CNTNAP1: variants seen among roughly 807,000 people sequenced by gnomAD.
CNTNAP1 encodes contactin-associated protein 1.
CNTNAP1 carries 80 observed loss-of-function variants against 161.5 expected under a neutral mutation model. The observed-to-expected ratio is 0.50, with a 90% CI of 0.41 to 0.60. The LOEUF (loss-of-function observed/expected upper bound fraction) is 0.60. CNTNAP1 is among the 20% of genes least tolerant of loss of function. The pLI is 0.00. For synonymous variants in CNTNAP1, 695 were observed against 733.1 expected (o/e 0.95, Z 0.84); for missense variants, 1,464 against 1,854.8 (o/e 0.79, Z 3.87).
chr17:42,685,683 A>AAC lies in CNTNAP1; in HGVS notation c.716-262_716-261dup, dbSNP rs535596299. Reference sequence around the variant, plus strand: ...TCCGAGCCTCAGTTCCCTCCTTGTAAACACACACACACAGACGCACACACA... The same window carrying AAC: ...TCCGAGCCTCAGTTCCCTCCTTGTAAACACACACACACACAGACGCACACACA... On this transcript the variant is annotated intron_variant, in intron 5 of 23. Coordinates refer to ENST00000264638, the MANE Select transcript of CNTNAP1 (RefSeq NM_003632.3). The surrounding 1 kb of genome is among the most constrained non-coding windows in gnomAD (Gnocchi z 5.0). Among the ~76,000 whole-genome samples, 6 of 152,044 alleles carry AAC rather than the reference A, an allele frequency of 3.9e-5. No individual in the cohort carries two copies. Among genetic ancestry groups the AAC allele is most frequent in the African/African-American group, 1.2e-4 (5 of 41,426 alleles).
At chr17:42,688,704 G>A in intron 9 of CNTNAP1, 93 bp downstream of exon 9, 3 of 1,580,154 alleles carry the variant, frequency 1.9e-6, no homozygotes, top group Non-Finnish European at 2.6e-6. Flanking sequence ...GAATTTTGGA[G>A]GGATCAAGCC....
intron 1 of CNTNAP1, chr17:42,683,354 G>A (rs2052962374): frequency 1.8e-6 from 2 of 1,084,878 alleles, no homozygotes; most frequent in African/African-American, 3.4e-5. Context: ...CCTGACTGAT[G>A]CTAAGGCTGG....
At position 42,691,371 on chromosome 17, in the gene CNTNAP1, C is replaced by T. The variant is rs1385923823; in HGVS notation, c.2217-13C>T. On this transcript the variant is annotated splice_polypyrimidine_tract_variant and intron_variant, in intron 14 of 23. Coordinates refer to ENST00000264638, the MANE Select transcript of CNTNAP1 (RefSeq NM_003632.3). This position sits in a 1 kb window ranked among gnomAD's most constrained non-coding sequence, Gnocchi z 4.3. ...AGTGGCTGGGGCTGAGCCATGACATCCTGCCCCCACAGGAGAACTGACAAG... is the reference window on the plus strand; with the variant it reads ...AGTGGCTGGGGCTGAGCCATGACATTCTGCCCCCACAGGAGAACTGACAAG... 6.2e-7 allele frequency: 1 copy of T among 1,614,062 alleles called. No homozygotes were observed. Among genetic ancestry groups the T allele is most frequent in the Non-Finnish European group, 8.5e-7 (1 of 1,179,984 alleles).
chr17:42,698,444 AAT>A (rs2053178123), intron 23 of CNTNAP1, among the ~76,000 whole-genome samples, 172 bp from the exon 24 acceptor site: 1 of 135,016 alleles, frequency 7.4e-6, no homozygotes, highest in Non-Finnish European at 1.5e-5. Context: ...GCCAAAAGTA[AAT>A]GTGTGTGTGT....
At chr17:42,683,137 G>A (rs1597802409) in intron 1 of CNTNAP1, 10 of 602,044 alleles carry the variant, frequency 1.7e-5, no homozygotes, top group South Asian at 1.4e-4. Context: ...AGGGATTTGG[G>A]GTTGGGATCC....
chr17:42,687,604 C>G lies in CNTNAP1; in HGVS notation c.1045-116C>G. On this transcript the variant is annotated intron_variant, in intron 7 of 23. Coordinates refer to ENST00000264638, the MANE Select transcript of CNTNAP1 (RefSeq NM_003632.3). The surrounding 1 kb of genome is among the most constrained non-coding windows in gnomAD (Gnocchi z 4.7). ...TCACGTCATGGTTGGAGATCTCACC[C>G]CCGCCAACACCGAAGGAGGGCGGTG... 1.5e-6 allele frequency: 2 copies of G among 1,358,770 alleles called. No individual in the cohort carries two copies. Among genetic ancestry groups the G allele is most frequent in the East Asian group, 4.6e-5 (2 of 43,266 alleles). The allele number at this position is 1,358,770 out of a possible 1,614,324, so 84.2% of individuals were successfully genotyped here.
rs1196071782 is a variant in CNTNAP1 at position 42,689,867 on chromosome 17, A to C, written c.1736-221A>C. The C allele has an allele frequency of 6.9e-6, 4 of 583,014 alleles. No individual in the cohort carries two copies. In the East Asian group the frequency reaches 1.3e-4, roughly 18 times the overall value. The allele number at this position is 583,014 out of a possible 1,614,324, so 36.1% of individuals were successfully genotyped here. A position where few individuals can be genotyped will look rare whatever the true frequency, so the allele number is the denominator to read the frequency against. On this transcript the variant is annotated intron_variant, in intron 11 of 23. Transcript: ENST00000264638. ...GCGATTCTCCTGCCTCAGCCTCCTAAGTAGCTGGGACTACAGGTGCACACC... is the reference window on the plus strand; with the variant it reads ...GCGATTCTCCTGCCTCAGCCTCCTACGTAGCTGGGACTACAGGTGCACACC...
rs2052949751 is a variant in CNTNAP1, at chr17:42,682,652, A to G, written c.-178A>G. 4.9e-6 allele frequency: 3 copies of G among 610,312 alleles called. No individual in the cohort carries two copies. The highest frequency in any genetic ancestry group is 3.0e-5 in the East Asian group (1 of 33,844). The allele number at this position is 610,312 out of a possible 1,614,324, so 37.8% of individuals were successfully genotyped here. A position where few individuals can be genotyped will look rare whatever the true frequency, so the allele number is the denominator to read the frequency against. ...CAGGAACCAGAGAGAGAGAGAGAGA[A>G]AAGAGAGAGGAGAGACAGAGCGCTT... is the stretch of plus-strand genomic sequence containing the variant. On this transcript the variant is annotated 5_prime_UTR_variant, in exon 1 of 24. Coordinates refer to ENST00000264638, the MANE Select transcript of CNTNAP1 (RefSeq NM_003632.3).
rs2053168963 is a variant in CNTNAP1, at chr17:42,697,681, T to G, written c.3696T>G (p.Thr1232=). 6.2e-7 allele frequency: 1 copy of G among 1,614,178 alleles called. No homozygotes were observed. The highest frequency in any genetic ancestry group is 1.3e-5 in the African/African-American group (1 of 75,030). The part of the protein sequence containing the change: ...KTHFRTPRPM[T]AELAEALRVQ... ...ACTTCCGAACCCCTCGACCCATGAC[T>G]GCTGAGCTAGCTGAGGCCCTTCGAG... The change falls in exon 22 of 24, where the codon ACT becomes ACG. Residue 1232 remains threonine (T), a synonymous_variant. Transcript: ENST00000264638.
Position 42,686,887 on chromosome 17 carries a change from C to A in CNTNAP1, c.901-16C>A. The A allele has an allele frequency of 1.9e-6, 3 of 1,589,056 alleles. No individual in the cohort carries two copies. The highest frequency in any genetic ancestry group is 2.6e-6 in the Non-Finnish European group (3 of 1,161,368). ...CTCCTGTGCCCAAGAGGCCTCATTC[C>A]CCACGCCTCCCGCAGATGTTCATCG... On this transcript the variant is annotated splice_polypyrimidine_tract_variant and intron_variant, in intron 6 of 23. Coordinates refer to ENST00000264638, the MANE Select transcript of CNTNAP1 (RefSeq NM_003632.3).
chr17:42,685,039 C>A lies in CNTNAP1; in HGVS notation c.412C>A (p.His138Asn), dbSNP rs1457860702. Residue 138 changes from histidine (H) to asparagine (N), a missense_variant, in exon 4 of 24, where the codon CAC becomes AAC. By Grantham distance (68) the His-to-Asn change is moderately conservative. Coordinates refer to ENST00000264638, the MANE Select transcript of CNTNAP1 (RefSeq NM_003632.3). This position sits in a 1 kb window ranked among gnomAD's most constrained non-coding sequence, Gnocchi z 5.0. ...GTCGGCGGTGGTGCGCCATGACCTG[C>A]ACTTCCACTTCACTGCGCGCTACAT... is the stretch of plus-strand genomic sequence containing the variant. ...NESAVVRHDL[H>N]FHFTARYIRI... 2 of 1,591,858 alleles carry A rather than the reference C, an allele frequency of 1.3e-6. No individual in the cohort carries two copies. Among genetic ancestry groups the A allele is most frequent in the Admixed American group, 1.8e-5 (1 of 55,986 alleles).
chr17:42,689,164 TG>T, intron 10 of CNTNAP1, 117 bp downstream of exon 10: 1 of 991,438 alleles, frequency 1.0e-6, no homozygotes, highest in Non-Finnish European at 1.5e-6. Flanking sequence ...CTTAGTCCCC[TG>T]CTTGGGGATG....
chr17:42,682,654 A>G lies in CNTNAP1; in HGVS notation c.-176A>G, dbSNP rs767349993. 1.6e-5 allele frequency: 10 copies of G among 623,262 alleles called. No individual in the cohort carries two copies. Among genetic ancestry groups the G allele is most frequent in the Non-Finnish European group, 2.9e-5 (10 of 350,788 alleles). 38.6% of individuals were successfully genotyped at this position (623,262 alleles called of 1,614,324 possible). A position where few individuals can be genotyped will look rare whatever the true frequency, so the allele number is the denominator to read the frequency against. ...GGAACCAGAGAGAGAGAGAGAGAAAAGAGAGAGGAGAGACAGAGCGCTTGG... is the reference window on the plus strand; with the variant it reads ...GGAACCAGAGAGAGAGAGAGAGAAAGGAGAGAGGAGAGACAGAGCGCTTGG... On this transcript the variant is annotated 5_prime_UTR_variant, in exon 1 of 24. Transcript: ENST00000264638.
At chr17:42,684,661 C>T (rs2052981210) in intron 3 of CNTNAP1, among the ~76,000 whole-genome samples, 1 of 151,810 alleles carries the variant, frequency 6.6e-6, no homozygotes, top group Admixed American at 6.6e-5. Flanking sequence ...CGCAGTGGCT[C>T]ACGCCTGTAA....
intron 18 of CNTNAP1, among the ~76,000 whole-genome samples, chr17:42,695,226 G>A (rs1375866150): frequency 6.6e-6 from 1 of 152,184 alleles, no homozygotes; most frequent in Non-Finnish European, 1.5e-5. Flanking sequence ...GGGATTACAG[G>A]TGTGAGCCAC....
chr17:42,683,112 A>T, intron 1 of CNTNAP1: 1 of 614,198 alleles, frequency 1.6e-6, no homozygotes, highest in East Asian at 2.9e-5. Context: ...TGGGAAGAGG[A>T]TGAAGTCAGC....
rs773426839 is a variant in CNTNAP1, at chr17:42,698,769, C to A, written c.4014C>A (p.Gly1338=). The change falls in exon 24 of 24, where the codon GGC becomes GGA. Residue 1338 remains glycine, a synonymous_variant. Transcript: ENST00000264638. ...PGSKPPLPTS[G]PAQVPTPTAA... ...GCAAACCTCCCCTACCCACTTCAGG[C>A]CCTGCCCAGGTCCCCACCCCTACAG... The A allele has an allele frequency of 5.6e-6, 9 of 1,612,732 alleles. No homozygotes were observed. The African/African-American group carries it at 8.0e-5, about 14-fold the overall frequency.
chr17:42,692,968 T>TC (rs936159342), intron 17 of CNTNAP1, among the ~76,000 whole-genome samples: 1 of 151,174 alleles, frequency 6.6e-6, no homozygotes, highest in African/African-American at 2.4e-5. Flanking sequence ...CTTTTTTTTT[T>TC]TTTTTTGAGA....
At position 42,695,737 on chromosome 17, in the gene CNTNAP1, C is replaced by G; in HGVS notation, c.3209C>G (p.Pro1070Arg). ...TACCCCCGGCCTGGTCGGCCTGTGCCCGGTTACCGTGGGCCTGTCTACAAC... is the reference window on the plus strand; with the variant it reads ...TACCCCCGGCCTGGTCGGCCTGTGCGCGGTTACCGTGGGCCTGTCTACAAC... ...PDYPRPGRPVPGYRGPVYNVT... is the reference protein window; with the variant it reads ...PDYPRPGRPVRGYRGPVYNVT... Residue 1070 changes from proline (P) to arginine (R), a missense_variant, in exon 19 of 24, where the codon CCC becomes CGC. Transcript: ENST00000264638. 2 of 1,614,236 alleles carry G rather than the reference C, an allele frequency of 1.2e-6. No homozygotes were observed. Among genetic ancestry groups the G allele is most frequent in the Non-Finnish European group, 1.7e-6 (2 of 1,180,042 alleles).
Sources: gnomAD v4.1 joint callset for allele counts (sites outside exome capture counted in the v4.1 genomes callset) on GRCh38, gnomAD v4.1.1 for gene constraint, Gnocchi (gnomAD v3.1) non-coding constraint, MANE v1.5 for transcripts, NCBI Gene and HGNC (gene_info 2026-07-23, HGNC 2026-07-21) for gene names.